GBP7: variants seen among roughly 807,000 people sequenced by gnomAD.
GBP7 encodes the protein guanylate-binding protein 7.
Under a neutral mutation model 61.3 loss-of-function variants are expected in GBP7, and 43 were observed. The observed-to-expected ratio is 0.70, with a 90% CI of 0.55 to 0.91. The LOEUF is 0.91. GBP7 is among the 40% of genes least tolerant of loss of function. The pLI is 0.00. For missense variants in GBP7, 717 were observed against 740.5 expected (o/e 0.97, Z 0.37); for synonymous variants, 267 against 271.0 (o/e 0.99, Z 0.14).
chr1:89,171,720 A>G (rs1647604287), intron 2 of GBP7, 26 bp downstream of exon 2: 2 of 1,606,072 alleles, frequency 1.2e-6, no homozygotes, highest in East Asian at 4.5e-5. Flanking sequence ...GATGGGGCTC[A>G]TCCATGCTTT....
intron 3 of GBP7, among the ~76,000 whole-genome samples, chr1:89,153,558 A>G (rs1410431784): frequency 6.6e-6 from 1 of 152,218 alleles, no homozygotes; most frequent in Admixed American, 6.5e-5. Context: ...GAATTCACCA[A>G]AAATTGTTCA....
chr1:89,152,406 C>T lies in GBP7; in HGVS notation c.487G>A (p.Val163Ile). 1 of 1,614,218 alleles carries T rather than the reference C, an allele frequency of 6.2e-7. No individual in the cohort carries two copies. Among genetic ancestry groups the T allele is most frequent in the South Asian group, 1.1e-5 (1 of 91,084 alleles). ...RAKSCPRPDE[V>I]EDSSEFVSFF... ...CTCACAAACTCGCTGGAGTCCTCAA[C>T]TTCATCAGGTCTGGGGCACGATTTT... Residue 163 changes from valine (V) to isoleucine (I), a missense_variant, in exon 5 of 11, where the codon GTT (valine) becomes ATT (isoleucine). Val to Ile is a conservative substitution (Grantham distance 29). Around this residue, in one of 3 missense-constraint regions of GBP7, gnomAD observed 387 missense variants for 385.2 expected, o/e 1.00. Transcript: ENST00000294671.
At chr1:89,148,799 C>T (rs1682125409) in intron 7 of GBP7, among the ~76,000 whole-genome samples, 1 of 152,134 alleles carries the variant, frequency 6.6e-6, no homozygotes, top group Admixed American at 6.5e-5. Flanking sequence ...ATTTTTTCCA[C>T]ACTCAGTCAG....
chr1:89,139,627 T>C lies in GBP7; in HGVS notation c.1468+1919A>G, dbSNP rs375665999. 4.1e-4 allele frequency among the ~76,000 whole-genome samples: 63 copies of C among 152,106 alleles called. 6 individuals are homozygous for C. Among genetic ancestry groups the C allele is most frequent in the Admixed American group, 8.5e-4 (13 of 15,284 alleles). On this transcript the variant is annotated intron_variant, in intron 9 of 10. Transcript: ENST00000294671. Reference sequence around the variant, plus strand: ...AAAAACAACCCCATCAAAAAGTGGGTGAAGGATATGAACAGACACTTCTCA... The same window carrying C: ...AAAAACAACCCCATCAAAAAGTGGGCGAAGGATATGAACAGACACTTCTCA...
chr1:89,171,761 C>T lies in GBP7; in HGVS notation c.175G>A (p.Ala59Thr). Reference sequence around the variant, plus strand: ...TGCCACTCACCTTTGTTCTTCCCAGCCAGCTTGTTCATTAGGTAGGATTTG... The same window carrying T: ...TGCCACTCACCTTTGTTCTTCCCAGTCAGCTTGTTCATTAGGTAGGATTTG... ...TGKSYLMNKLAGKNKGFPLGC... is the reference protein window; with the variant it reads ...TGKSYLMNKLTGKNKGFPLGC... Residue 59 changes from alanine (A) to threonine (T), a missense_variant, in exon 2 of 11, where the codon GCT becomes ACT. Coordinates refer to ENST00000294671, the MANE Select transcript of GBP7 (RefSeq NM_207398.3). 2 of 1,612,808 alleles carry T rather than the reference C, an allele frequency of 1.2e-6. No individual in the cohort carries two copies. Among genetic ancestry groups the T allele is most frequent in the Non-Finnish European group, 1.7e-6 (2 of 1,179,626 alleles).
chr1:89,148,187 C>G (rs944602446), intron 7 of GBP7, among the ~76,000 whole-genome samples: 5 of 152,136 alleles, frequency 3.3e-5, no homozygotes, highest in Non-Finnish European at 7.4e-5. Context: ...GAAATTCTTC[C>G]AAAAAGGATC....
At chr1:89,147,816 G>A in intron 7 of GBP7, 37 bp from the exon 8 acceptor site, 2 of 1,604,010 alleles carry the variant, frequency 1.2e-6, no homozygotes, top group Non-Finnish European at 1.7e-6. Context: ...GTAGAAAGAA[G>A]CTGTTAGAAG....
rs146946502 is a variant in GBP7 at position 89,164,799 on chromosome 1, G to C, written c.250C>G (p.Pro84Ala). Residue 84 changes from proline (P) to alanine (A), a missense_variant, in exon 3 of 11, where the codon CCC becomes GCC. Transcript: ENST00000294671. ...ETKGIWMWCVPHPSKPNHTLI... is the reference protein window; with the variant it reads ...ETKGIWMWCVAHPSKPNHTLI... ...GTGTGGTTTGGCTTGGAGGGGTGGG[G>C]CACACACCACATCCAGATGCCTTTG... 2 of 1,613,724 alleles carry C rather than the reference G, an allele frequency of 1.2e-6. No individual in the cohort carries two copies. Among genetic ancestry groups the C allele is most frequent in the Non-Finnish European group, 1.7e-6 (2 of 1,179,692 alleles).
chr1:89,166,770 C>T (rs1485991787), intron 2 of GBP7, among the ~76,000 whole-genome samples: 1 of 152,228 alleles, frequency 6.6e-6, no homozygotes, highest in Non-Finnish European at 1.5e-5. Context: ...CTGAGGACAT[C>T]TTTCCAGTAA....
chr1:89,174,079 A>C (rs1173208200), intron 1 of GBP7, among the ~76,000 whole-genome samples: 1 of 152,224 alleles, frequency 6.6e-6, no homozygotes, highest in Non-Finnish European at 1.5e-5. Flanking sequence ...AAAGCTTTTA[A>C]AATCCTTTTA....
chr1:89,164,945 A>AC, intron 2 of GBP7, 87 bp from the exon 3 acceptor site: 4 of 1,323,134 alleles, frequency 3.0e-6, no homozygotes, highest in Non-Finnish European at 4.2e-6. Flanking sequence ...AGGAACGTTA[A>AC]GTTCCTGGCA....
At chr1:89,150,654 C>T in intron 5 of GBP7, 79 bp from the exon 6 acceptor site, 1 of 1,397,424 alleles carries the variant, frequency 7.2e-7, no homozygotes, top group Non-Finnish European at 1.0e-6. Context: ...AAAGTTCCTT[C>T]CATCAATCAC....
chr1:89,153,139 G>T (rs1489805650), intron 3 of GBP7, among the ~76,000 whole-genome samples: 2 of 152,116 alleles, frequency 1.3e-5, no homozygotes, highest in African/African-American at 4.8e-5. Flanking sequence ...TCTACTTTTT[G>T]TATGCAATAA....
rs529238992 is a variant in GBP7 at position 89,151,741 on chromosome 1, G to A, written c.625+527C>T. On this transcript the variant is annotated intron_variant, in intron 5 of 10. Coordinates refer to ENST00000294671, the MANE Select transcript of GBP7 (RefSeq NM_207398.3). ...AGTCCTACTGGAAGCATATGTCTGT[G>A]TATTTTTTTTTTAATTTCCTGAATC... Among the ~76,000 whole-genome samples, 5 of 151,606 alleles carry A rather than the reference G, an allele frequency of 3.3e-5. 1 individual carries two copies. In the East Asian group the frequency reaches 9.7e-4, roughly 29 times the overall value.
intron 2 of GBP7, among the ~76,000 whole-genome samples, chr1:89,166,572 T>C (rs964091453): frequency 6.6e-6 from 1 of 152,218 alleles, no homozygotes; most frequent in Non-Finnish European, 1.5e-5. Context: ...AGTTATACCT[T>C]GGACTAGTAA....
chr1:89,141,258 A>G (rs1173499869), intron 9 of GBP7, among the ~76,000 whole-genome samples: 11 of 151,918 alleles, frequency 7.2e-5, no homozygotes, highest in Non-Finnish European at 2.9e-5. Flanking sequence ...TACTCTCCTG[A>G]GTTCAGAGGC....
In GBP7 at chr1:89,150,320, A is replaced by G. The variant is rs375108902; in HGVS notation, c.871+10T>C. The G allele has an allele frequency of 9.3e-6, 15 of 1,611,678 alleles. No homozygotes were observed. Among genetic ancestry groups the G allele is most frequent in the Middle Eastern group, 1.6e-4 (1 of 6,072 alleles). On this transcript the variant is annotated intron_variant, in intron 6 of 10. Transcript: ENST00000294671. ...CCTCAGTAAACACCCATATAGGGAA[A>G]TAGACTCACGGTTTCCAGTGACAAG...
intron 3 of GBP7, 43 bp from the exon 4 acceptor site, chr1:89,152,820 T>G: frequency 6.7e-7 from 1 of 1,488,758 alleles, no homozygotes. Flanking sequence ...AGCCACAGTT[T>G]AGATACATCT....
chr1:89,174,737 C>T (rs909856319), intron 1 of GBP7, among the ~76,000 whole-genome samples: 8 of 152,316 alleles, frequency 5.3e-5, no homozygotes, highest in Non-Finnish European at 1.0e-4. Flanking sequence ...TGATAGCTCG[C>T]ACCTGACACT....
Sources: gnomAD v4.1 joint callset for allele counts (sites outside exome capture counted in the v4.1 genomes callset) on GRCh38, gnomAD v4.1.1 for gene constraint, gnomAD v4.1.1 regional missense constraint, MANE v1.5 for transcripts, NCBI Gene and HGNC (gene_info 2026-07-23, HGNC 2026-07-21) for gene names.